The following KIAA2012 variants were observed in gnomAD, a reference collection of about 807,000 sequenced individuals.
KIAA2012 encodes KIAA2012.
A neutral mutation model predicts 150.6 loss-of-function variants in KIAA2012; 125 were observed. The observed-to-expected ratio is 0.83, with a 90% CI of 0.72 to 0.96. The LOEUF (loss-of-function observed/expected upper bound fraction) is 0.96, where lower values mean the gene tolerates loss of function less well. Ranked by LOEUF, KIAA2012 falls within the 40% of genes least tolerant of loss-of-function variation. KIAA2012 has a pLI of 0.00. For missense variants in KIAA2012, 1,219 were observed against 1,354.9 expected (o/e 0.90, Z 1.57); for synonymous variants, 462 against 504.7 (o/e 0.92, Z 1.13).
chr2:202,187,605 C>T (rs2105744673), intron 17 of KIAA2012, among the ~76,000 whole-genome samples: 1 of 152,316 alleles, frequency 6.6e-6, no homozygotes, highest in South Asian at 2.1e-4. Flanking sequence ...CTGCACCTGG[C>T]CCCATTTCTA....
At chr2:202,157,730 G>A (rs556868052) in intron 14 of KIAA2012, among the ~76,000 whole-genome samples, 1 of 152,308 alleles carries the variant, frequency 6.6e-6, no homozygotes, top group East Asian at 1.9e-4. Context: ...TGGTCAGGCA[G>A]CCCAGTTCCA....
intron 14 of KIAA2012, among the ~76,000 whole-genome samples, chr2:202,162,703 C>T (rs1447531269): frequency 2.7e-5 from 4 of 150,392 alleles, no homozygotes; most frequent in African/African-American, 4.9e-5. Flanking sequence ...GATGCCAAGG[C>T]GGGTGGATCA....
At chr2:202,175,121 G>A (rs1170316087) in intron 15 of KIAA2012, among the ~76,000 whole-genome samples, 1 of 151,736 alleles carries the variant, frequency 6.6e-6, no homozygotes, top group African/African-American at 2.4e-5. Flanking sequence ...CCCTTTTAGT[G>A]TATTTGTAGG....
chr2:202,164,096 C>G (rs73992853), intron 14 of KIAA2012, among the ~76,000 whole-genome samples: 108 of 152,078 alleles, frequency 7.1e-4, no homozygotes, highest in Admixed American at 1.3e-3. Context: ...AGGGTAAACC[C>G]GGAGAGACTT....
At chr2:202,084,013 G>C (rs1026537078) in intron 2 of KIAA2012, among the ~76,000 whole-genome samples, 1 of 152,148 alleles carries the variant, frequency 6.6e-6, no homozygotes. Context: ...GTGAGCAGAG[G>C]CCTCTAGGGG....
intron 14 of KIAA2012, among the ~76,000 whole-genome samples, chr2:202,160,504 G>A (rs986567376): frequency 1.3e-5 from 2 of 151,852 alleles, no homozygotes; most frequent in Admixed American, 6.6e-5. Context: ...TAGTACAGAC[G>A]GGGTTTTACC....
chr2:202,203,381 G>T (rs1218681974), intron 23 of KIAA2012, among the ~76,000 whole-genome samples: 1 of 152,102 alleles, frequency 6.6e-6, no homozygotes, highest in Non-Finnish European at 1.5e-5. Flanking sequence ...TGTCTATTTA[G>T]AACAATGCAT....
At chr2:202,106,421 C>A (rs1240245757) in intron 9 of KIAA2012, among the ~76,000 whole-genome samples, 1 of 152,132 alleles carries the variant, frequency 6.6e-6, no homozygotes, top group Non-Finnish European at 1.5e-5. Flanking sequence ...TGCGGTGGCT[C>A]ATGCCTATAA....
chr2:202,073,813 T>C (rs1009769274), intron 1 of KIAA2012, 102 bp downstream of exon 1: 22 of 993,020 alleles, frequency 2.2e-5, no homozygotes, highest in Non-Finnish European at 3.3e-5. Context: ...TTTGTGTTGT[T>C]AGTGAGGTGG....
chr2:202,186,852 C>A, intron 16 of KIAA2012, 81 bp from the exon 17 acceptor site: 1 of 1,399,760 alleles, frequency 7.1e-7, no homozygotes, highest in Non-Finnish European at 9.7e-7. Context: ...AGAACAGGTG[C>A]TCGATGTTGG....
chr2:202,090,910 G>GTA lies in KIAA2012; in HGVS notation c.513_514dup (p.Arg172IlefsTer79), dbSNP rs1197358630. 1.9e-6 allele frequency: 3 copies of GTA among 1,549,996 alleles called. No individual in the cohort carries two copies. The highest frequency in any genetic ancestry group is 2.6e-6 in the Non-Finnish European group (3 of 1,146,626). ...TGCGGACTTGGCCCCCAGACGCCAT[G>GTA]TATAGGCTCTGGTGCGCAGGTCAGT... is the stretch of plus-strand genomic sequence containing the variant. On this transcript the variant is annotated frameshift_variant, in exon 3 of 24. Transcript: ENST00000498697. LOFTEE classifies it high-confidence loss of function.
At position 202,201,706 on chromosome 2, in the gene KIAA2012, G is replaced by C; in HGVS notation, c.3408-723G>C. The C allele has an allele frequency of 1.9e-6, 3 of 1,580,140 alleles. No individual in the cohort carries two copies. In the South Asian group the frequency reaches 3.3e-5, roughly 17 times the overall value. On this transcript the variant is annotated intron_variant, in intron 22 of 23. Transcript: ENST00000498697. ...GAGGCTCCAGGAAAGCGGCCGACAT[G>C]GTGGGGACTGTGGCAGCCCCTGGGG... is the stretch of plus-strand genomic sequence containing the variant.
intron 13 of KIAA2012, among the ~76,000 whole-genome samples, chr2:202,145,479 G>A (rs1030301652): frequency 2.1e-4 from 32 of 152,114 alleles, no homozygotes; most frequent in African/African-American, 6.5e-4. Context: ...AGTTTTCACT[G>A]CAACTATCAT....
At chr2:202,112,264 C>G (rs1690381485) in intron 10 of KIAA2012, among the ~76,000 whole-genome samples, 1 of 152,072 alleles carries the variant, frequency 6.6e-6, no homozygotes, top group Non-Finnish European at 1.5e-5. Flanking sequence ...TCTTTATTAG[C>G]TGTTGACCAC....
chr2:202,084,316 G>A (rs902219282), intron 2 of KIAA2012, among the ~76,000 whole-genome samples: 3 of 152,164 alleles, frequency 2.0e-5, no homozygotes, highest in African/African-American at 4.8e-5. Flanking sequence ...TCTATCCTCT[G>A]AAAACCTTCA....
intron 12 of KIAA2012, among the ~76,000 whole-genome samples, chr2:202,129,443 C>G (rs1365680102): frequency 6.6e-6 from 1 of 152,164 alleles, no homozygotes; most frequent in Non-Finnish European, 1.5e-5. Flanking sequence ...TGGTCTCGAA[C>G]TCCTGACCTC....
chr2:202,107,988 G>T (rs548981037), intron 9 of KIAA2012, among the ~76,000 whole-genome samples: 1 of 152,102 alleles, frequency 6.6e-6, no homozygotes, highest in Non-Finnish European at 1.5e-5. Context: ...CAGCCTGGGC[G>T]ACAGAGAGAG....
chr2:202,114,454 TAGAC>T (rs1690462126), intron 11 of KIAA2012: 1 of 167,154 alleles, frequency 6.0e-6, no homozygotes, highest in Admixed American at 6.5e-5. Flanking sequence ...AAGCAGGAGT[TAGAC>T]AGGTGGAGGC....
chr2:202,128,339 C>T (rs1575026640), intron 12 of KIAA2012, among the ~76,000 whole-genome samples: 2 of 152,242 alleles, frequency 1.3e-5, no homozygotes, highest in Admixed American at 1.3e-4. Context: ...GATCTCAGCT[C>T]ACTGCAGCCT....
Sources: allele counts gnomAD v4.1 joint callset (sites outside exome capture counted in the v4.1 genomes callset), GRCh38; gene constraint gnomAD v4.1.1; transcripts MANE v1.5; gene names NCBI Gene and HGNC (gene_info 2026-07-23, HGNC 2026-07-21).